PLCH1: variants seen among roughly 807,000 people sequenced by gnomAD.
The protein encoded by PLCH1 is 1-phosphatidylinositol 4,5-bisphosphate phosphodiesterase eta-1.
A neutral mutation model predicts 126.7 loss-of-function variants in PLCH1; 60 were observed. The observed-to-expected ratio is 0.47, with a 90% CI of 0.38 to 0.59. The LOEUF is 0.59. Ranked by LOEUF, PLCH1 falls within the 20% of genes least tolerant of loss-of-function variation. PLCH1 has a pLI of 0.00. For synonymous variants in PLCH1, 719 were observed against 734.9 expected (o/e 0.98, Z 0.35); for missense variants, 1,723 against 2,040.0 (o/e 0.84, Z 2.99).
rs1201016134 is a variant in PLCH1 at position 155,481,220 on chromosome 3, C to T, written c.4806G>A (p.Gly1602=). 6.2e-7 allele frequency: 1 copy of T among 1,614,028 alleles called. No homozygotes were observed. The highest frequency in any genetic ancestry group is 8.5e-7 in the Non-Finnish European group (1 of 1,180,042). ...NKQKVPNPSN[G]AGVVLRNKPS... ...GTTTGTTTCTAAGAACCACTCCTGC[C>T]CCATTGCTGGGGTTTGGAACTTTCT... is the stretch of plus-strand genomic sequence containing the variant. The change falls in exon 23 of 23, where the codon GGG becomes GGA. Residue 1602 remains glycine (G), a synonymous_variant. Transcript: ENST00000460012. This position sits in a 1 kb window ranked among gnomAD's most constrained non-coding sequence, Gnocchi z 4.2.
chr3:155,547,375 A>G (rs1273114046), intron 10 of PLCH1, among the ~76,000 whole-genome samples: 2 of 149,586 alleles, frequency 1.3e-5, no homozygotes, highest in East Asian at 1.9e-4. Context: ...GCAATCATTA[A>G]AAAGTCAGGA....
Position 155,554,151 on chromosome 3 carries a change from C to G in PLCH1, c.1115G>C (p.Gly372Ala). ...GAGAATTTTTGAAGTGAGAGTGTAACCATGATGTACTACTGGCTCTCCATC... is the reference window on the plus strand; with the variant it reads ...GAGAATTTTTGAAGTGAGAGTGTAAGCATGATGTACTACTGGCTCTCCATC... ...GPDGEPVVHH[G>A]YTLTSKILFR... The change falls in exon 9 of 23, where the codon GGT becomes GCT. Residue 372 changes from glycine (G) to alanine (A), a missense_variant. This residue lies in a region of PLCH1 where 776 missense variants were observed against 1,062.9 expected (regional missense o/e 0.73). Coordinates refer to ENST00000460012, the MANE Select transcript of PLCH1 (RefSeq NM_014996.4). 1.2e-6 allele frequency: 2 copies of G among 1,613,712 alleles called. No homozygotes were observed. The highest frequency in any genetic ancestry group is 1.7e-6 in the Non-Finnish European group (2 of 1,179,664).
intron 2 of PLCH1, among the ~76,000 whole-genome samples, chr3:155,619,541 T>C (rs1371865619): frequency 6.7e-6 from 1 of 150,022 alleles, no homozygotes; most frequent in African/African-American, 2.4e-5. Flanking sequence ...ATTGATTTCA[T>C]GCAAATTGTC....
At chr3:155,559,847 C>T (rs1039235434) in intron 8 of PLCH1, among the ~76,000 whole-genome samples, 1 of 152,140 alleles carries the variant, frequency 6.6e-6, no homozygotes, top group African/African-American at 2.4e-5. Context: ...ATCTACTGCA[C>T]ACAATTTCCA....
chr3:155,477,546 T>C (rs141169404), downstream of PLCH1, among the ~76,000 whole-genome samples: 1,019 of 152,038 alleles, frequency 6.7e-3, 13 homozygotes, highest in African/African-American at 0.023. Context: ...AACAACTCTA[T>C]AGAAAAAAAT....
intron 1 of PLCH1, among the ~76,000 whole-genome samples, chr3:155,735,364 T>G (rs1749096763): frequency 6.6e-6 from 1 of 151,236 alleles, no homozygotes; most frequent in Admixed American, 6.6e-5. Flanking sequence ...CTGGGTGCAG[T>G]GGCTCACGCC....
At chr3:155,736,203 CAAAAG>C (rs973074305) in intron 1 of PLCH1, among the ~76,000 whole-genome samples, 2 of 152,052 alleles carry the variant, frequency 1.3e-5, no homozygotes, top group Non-Finnish European at 2.9e-5. Flanking sequence ...TCTCTTTTGA[CAAAAG>C]AAAAAGAAGT....
chr3:155,572,460 C>A (rs1414583942), intron 6 of PLCH1, among the ~76,000 whole-genome samples: 1 of 152,122 alleles, frequency 6.6e-6, no homozygotes, highest in Non-Finnish European at 1.5e-5. Context: ...TTTACAAGCA[C>A]TCAGGGTTCC....
intron 1 of PLCH1, among the ~76,000 whole-genome samples, chr3:155,722,002 G>A (rs530411719): frequency 1.3e-4 from 20 of 152,158 alleles, no homozygotes; most frequent in African/African-American, 4.1e-4. Context: ...AGCCGAGATC[G>A]TGGCACTGCC....
rs368429861 is a variant in PLCH1, at chr3:155,565,101, G to C, written c.883C>G (p.Arg295Gly). Residue 295 changes from arginine to glycine, a missense_variant, in exon 8 of 23, where the codon CGT becomes GGT. Around this residue, in one of 2 missense-constraint regions of PLCH1, gnomAD observed 776 missense variants for 1,062.9 expected, o/e 0.73. Coordinates refer to ENST00000460012, the MANE Select transcript of PLCH1 (RefSeq NM_014996.4). ...LGIEGFTNFMRSPACDIFNPL... is the reference protein window; with the variant it reads ...LGIEGFTNFMGSPACDIFNPL... ...TTAAATATGTCACAGGCAGGACTAC[G>C]CATGAAGTTCGTGAAGCCTTTGGAA... 6.2e-7 allele frequency: 1 copy of C among 1,613,064 alleles called. No homozygotes were observed. Among genetic ancestry groups the C allele is most frequent in the Non-Finnish European group, 8.5e-7 (1 of 1,179,088 alleles).
chr3:155,453,538 A>G (rs976928994), intron 21 of PLCH1, among the ~76,000 whole-genome samples: 1 of 152,142 alleles, frequency 6.6e-6, no homozygotes, highest in African/African-American at 2.4e-5. Flanking sequence ...ACTTAAAGTA[A>G]ATCATATAAA....
At chr3:155,506,508 C>T (rs1199656697) in intron 12 of PLCH1, among the ~76,000 whole-genome samples, 1 of 116,172 alleles carries the variant, frequency 8.6e-6, no homozygotes, top group African/African-American at 3.2e-5. Context: ...CCCCCTCCCC[C>T]CACCCCACCA....
At chr3:155,485,239 T>C (rs1256754252) in intron 22 of PLCH1, 117 bp downstream of exon 22, 4 of 658,696 alleles carry the variant, frequency 6.1e-6, no homozygotes, top group Non-Finnish European at 1.0e-5. Flanking sequence ...TTACAAAGTA[T>C]TTATTTTTCA....
intron 2 of PLCH1, among the ~76,000 whole-genome samples, chr3:155,654,843 C>T (rs970209915): frequency 2.0e-5 from 3 of 152,160 alleles, no homozygotes; most frequent in Non-Finnish European, 2.9e-5. Flanking sequence ...TAATATTTTG[C>T]AATGGCTTCC....
At chr3:155,699,822 T>TCACACACGCACA (rs151187002) in intron 2 of PLCH1, among the ~76,000 whole-genome samples, 9 of 147,680 alleles carry the variant, frequency 6.1e-5, no homozygotes, top group African/African-American at 2.3e-4. Context: ...CTGTGACCAT[T>TCACACACGCACA]CACACACACA....
At chr3:155,709,579 T>A (rs1047730967) in intron 1 of PLCH1, among the ~76,000 whole-genome samples, 3 of 152,212 alleles carry the variant, frequency 2.0e-5, no homozygotes, top group African/African-American at 7.2e-5. Flanking sequence ...CAGTAGTATA[T>A]CTTCTTCAGT....
At chr3:155,615,096 CA>C (rs1023924329) in intron 2 of PLCH1, among the ~76,000 whole-genome samples, 12 of 151,840 alleles carry the variant, frequency 7.9e-5, no homozygotes, top group African/African-American at 2.9e-4. Context: ...AAGAAAAAAA[CA>C]AAAAATCCTA....
At chr3:155,642,457 C>T (rs944129760) in intron 2 of PLCH1, among the ~76,000 whole-genome samples, 1 of 152,102 alleles carries the variant, frequency 6.6e-6, no homozygotes, top group African/African-American at 2.4e-5. Context: ...CACAGGATGC[C>T]AAGATATCTG....
chr3:155,728,602 A>T (rs745962255), intron 1 of PLCH1, among the ~76,000 whole-genome samples: 10 of 152,162 alleles, frequency 6.6e-5, no homozygotes, highest in Non-Finnish European at 1.3e-4. Flanking sequence ...TTGCTTCCTA[A>T]CAAATCATGA....
Sources: gnomAD v4.1 joint callset for allele counts (sites outside exome capture counted in the v4.1 genomes callset) on GRCh38, gnomAD v4.1.1 for gene constraint, gnomAD v4.1.1 regional missense constraint, Gnocchi (gnomAD v3.1) non-coding constraint, MANE v1.5 for transcripts, NCBI Gene and HGNC (gene_info 2026-07-23, HGNC 2026-07-21) for gene names.